Variants in UHRF2 observed in about 807,000 individuals in gnomAD.
UHRF2 encodes the protein E3 ubiquitin-protein ligase UHRF2.
A neutral mutation model predicts 96.8 loss-of-function variants in UHRF2; 23 were observed. The ratio of observed to expected loss-of-function variants is 0.24; its 90% CI spans 0.17 to 0.34. UHRF2 has a LOEUF of 0.34. Among genes scored for constraint, UHRF2 ranks in the 10% least tolerant of loss-of-function variants. The pLI, the probability that UHRF2 is intolerant of heterozygous loss-of-function variation, is 1.00. For synonymous variants in UHRF2, 385 were observed against 332.6 expected, an observed-to-expected ratio of 1.16 and a Z score of -1.72; for missense variants, 685 against 981.5, an observed-to-expected ratio of 0.70 and a Z score of 4.04.
At chr9:6,504,015 CTTTT>C (rs35325264) in intron 14 of UHRF2, among the ~76,000 whole-genome samples, 2 of 78,956 alleles carry the variant, frequency 2.5e-5, no homozygotes, top group African/African-American at 6.0e-5. Context: ...AAATAGAAGA[CTTTT>C]TTTTTTTTTT....
intron 9 of UHRF2, among the ~76,000 whole-genome samples, chr9:6,488,629 G>C (rs1824463690): frequency 7.4e-6 from 1 of 134,424 alleles, no homozygotes; most frequent in East Asian, 2.3e-4. Context: ...TTCACTGCAA[G>C]CAGCCTCCTG....
chr9:6,418,347 A>G (rs1819734200), intron 1 of UHRF2, among the ~76,000 whole-genome samples: 1 of 148,492 alleles, frequency 6.7e-6, no homozygotes, highest in African/African-American at 2.5e-5. Flanking sequence ...TTGGAATACT[A>G]CTTTGGCTTA....
chr9:6,415,252 T>G lies in UHRF2; in HGVS notation c.153+1609T>G, dbSNP rs187086021. The stretch of plus-strand genomic sequence containing the variant: ...GACTTTCAGTAAACTAGGAAGCTCA[T>G]TCCAGATTCCAGGGAAAACTGAGGA... On this transcript the variant is annotated intron_variant, in intron 1 of 15. Transcript: ENST00000276893. 2.6e-5 allele frequency: 4 copies of G among 152,328 alleles called. No homozygotes were observed. In the East Asian group the frequency reaches 7.7e-4, roughly 29 times the overall value. The allele number at this position is 152,328 out of a possible 1,614,324, so 9.4% of individuals were successfully genotyped here.
intron 1 of UHRF2, among the ~76,000 whole-genome samples, chr9:6,416,976 G>A (rs1287304283): frequency 6.6e-6 from 1 of 151,970 alleles, no homozygotes; most frequent in Admixed American, 6.6e-5. Context: ...TCTCCCACTT[G>A]GTTTTCACAC....
At chr9:6,497,399 C>T (rs775737937) in intron 11 of UHRF2, 39 bp downstream of exon 11, 10 of 1,602,888 alleles carry the variant, frequency 6.2e-6, no homozygotes, top group Admixed American at 5.0e-5. Context: ...GTCATTCTTC[C>T]TGGGCTTTCA....
chr9:6,426,877 T>G (rs1820289162), intron 2 of UHRF2, among the ~76,000 whole-genome samples: 2 of 152,034 alleles, frequency 1.3e-5, no homozygotes, highest in African/African-American at 4.8e-5. Context: ...GTCTCTTGAG[T>G]AGTTGGGATT....
intron 2 of UHRF2, chr9:6,422,855 G>A: frequency 2.6e-6 from 1 of 391,458 alleles, no homozygotes; most frequent in Non-Finnish European, 4.5e-6. Flanking sequence ...TGTTTTTGAT[G>A]CAATTATTAT....
chr9:6,476,167 A>C (rs1823559439), intron 5 of UHRF2, among the ~76,000 whole-genome samples: 1 of 152,188 alleles, frequency 6.6e-6, no homozygotes, highest in Admixed American at 6.5e-5. Context: ...CTTTCACTTA[A>C]CATAATGTTC....
chr9:6,476,898 C>T (rs1823607328), intron 5 of UHRF2, among the ~76,000 whole-genome samples: 1 of 152,078 alleles, frequency 6.6e-6, no homozygotes, highest in Non-Finnish European at 1.5e-5. Context: ...CGGCCTCAGG[C>T]ATTTATTCTT....
chr9:6,497,907 GA>G (rs2130962319), intron 11 of UHRF2, 110 bp from the exon 12 acceptor site: 3 of 1,363,408 alleles, frequency 2.2e-6, no homozygotes, highest in Non-Finnish European at 3.0e-6. Context: ...CAGCAAAGCA[GA>G]ATATTCAGAA....
chr9:6,459,214 A>T (rs76407878), intron 3 of UHRF2, among the ~76,000 whole-genome samples: 2,756 of 151,684 alleles, frequency 0.018, 89 homozygotes, highest in African/African-American at 0.06. Context: ...CTTAAATTTT[A>T]AAAAAAGAAA....
chr9:6,469,782 A>G lies in UHRF2; in HGVS notation c.864-5609A>G, dbSNP rs150475820. Among the ~76,000 whole-genome samples, 424 of 150,244 alleles carry G rather than the reference A, an allele frequency of 2.8e-3. 1 individual carries two copies. Among genetic ancestry groups the G allele is most frequent in the Middle Eastern group, 0.021 (6 of 288 alleles). On this transcript the variant is annotated intron_variant, in intron 4 of 15. Coordinates refer to ENST00000276893, the MANE Select transcript of UHRF2 (RefSeq NM_152896.3). ...TACACACGTATATATGTGTGTATAT[A>G]TATGTATATATGTGTATATATATAT...
intron 10 of UHRF2, 65 bp from the exon 11 acceptor site, chr9:6,497,133 T>C: frequency 6.9e-7 from 1 of 1,444,518 alleles, no homozygotes; most frequent in South Asian, 1.2e-5. Flanking sequence ...TTAATTGAGC[T>C]AATGACTCGA....
At position 6,475,411 on chromosome 9, in the gene UHRF2, A is replaced by G. The variant is rs1336081251; in HGVS notation, c.884A>G (p.Asn295Ser). 1.9e-6 allele frequency: 3 copies of G among 1,571,830 alleles called. No individual in the cohort carries two copies. The highest frequency in any genetic ancestry group is 1.4e-5 in the African/African-American group (1 of 73,532). Residue 295 changes from asparagine (N) to serine (S), a missense_variant, in exon 5 of 16, where the codon AAT (asparagine) becomes AGT (serine). This residue lies in a region of UHRF2 where 391 missense variants were observed against 437.0 expected (regional missense o/e 0.89). Transcript: ENST00000276893. ...AACAGGGGTTCTGAAGGAACATTAAATGACTGCAAGATAATATCTGTAGAT... is the reference window on the plus strand; with the variant it reads ...AACAGGGGTTCTGAAGGAACATTAAGTGACTGCAAGATAATATCTGTAGAT... Reference protein sequence around the residue: ...IFLGGSEGTLNDCKIISVDEI... With the variant: ...IFLGGSEGTLSDCKIISVDEI...
At chr9:6,461,396 C>A (rs1364905234) in intron 4 of UHRF2, among the ~76,000 whole-genome samples, 1 of 131,084 alleles carries the variant, frequency 7.6e-6, no homozygotes, top group African/African-American at 2.8e-5. Context: ...TCCTCCCCCC[C>A]GCCCCTTGTT....
intron 3 of UHRF2, among the ~76,000 whole-genome samples, chr9:6,438,483 A>G (rs1485187673): frequency 6.6e-6 from 1 of 152,196 alleles, no homozygotes; most frequent in Non-Finnish European, 1.5e-5. Flanking sequence ...TTATGGCTTT[A>G]TGGTATTTCT....
intron 14 of UHRF2, among the ~76,000 whole-genome samples, chr9:6,503,413 A>G (rs1485729947): frequency 6.6e-6 from 1 of 152,132 alleles, no homozygotes; most frequent in African/African-American, 2.4e-5. Flanking sequence ...TAGCTTAAAA[A>G]AAAAAACCAG....
chr9:6,453,953 GAC>G (rs200090766), intron 3 of UHRF2, among the ~76,000 whole-genome samples: 2 of 152,018 alleles, frequency 1.3e-5, no homozygotes, highest in East Asian at 3.9e-4. Context: ...TAGAACTATA[GAC>G]ATAATTTTGT....
intron 4 of UHRF2, among the ~76,000 whole-genome samples, chr9:6,471,951 T>G (rs1475599868): frequency 2.0e-5 from 3 of 152,204 alleles, no homozygotes; most frequent in Non-Finnish European, 2.9e-5. Context: ...TTTCAGTAAG[T>G]AAGCTTCCAT....
Sources: gnomAD v4.1 joint callset for allele counts (sites outside exome capture counted in the v4.1 genomes callset) on GRCh38, gnomAD v4.1.1 for gene constraint, gnomAD v4.1.1 regional missense constraint, MANE v1.5 for transcripts, NCBI Gene and HGNC (gene_info 2026-07-23, HGNC 2026-07-21) for gene names.